The following WDR90 variants were observed in gnomAD, a reference collection of about 807,000 sequenced individuals.
WDR90 encodes WD repeat-containing protein 90.
In WDR90, 238 loss-of-function variants were observed where a neutral mutation model predicts 195.2. That is an observed-to-expected ratio of 1.22 (90% CI 1.10 to 1.36). The LOEUF is 1.36. Ranked by LOEUF, WDR90 falls within the 40% of genes most tolerant of loss-of-function variation. The pLI, the probability that WDR90 is intolerant of heterozygous loss-of-function variation, is 0.00. For synonymous variants in WDR90, 1,265 were observed against 1,052.4 expected (o/e 1.20, Z -3.91); for missense variants, 2,734 against 2,439.5 (o/e 1.12, Z -2.54).
At chr16:659,498 G>A in intron 26 of WDR90, 122 bp downstream of exon 26, 1 of 1,355,186 alleles carries the variant, frequency 7.4e-7, no homozygotes, top group Non-Finnish European at 1.0e-6. Context: ...CTGCTCATCA[G>A]GTGGAACACA....
Position 666,749 on chromosome 16 carries a change from G to C in WDR90, c.4961G>C (p.Gly1654Ala), listed in dbSNP as rs558334837. The C allele has an allele frequency of 6.2e-7, 1 of 1,612,850 alleles. No individual in the cohort carries two copies. The highest frequency in any genetic ancestry group is 1.3e-5 in the African/African-American group (1 of 75,048). ...DGALLMYVGP[G>A]VYKEVIIYNL... Reference sequence around the variant, plus strand: ...GCGCTCCTGATGTACGTGGGCCCCGGTGTTTACAAGGAGGTGATCATCTAC... The same window carrying C: ...GCGCTCCTGATGTACGTGGGCCCCGCTGTTTACAAGGAGGTGATCATCTAC... The change falls in exon 39 of 41, where the codon GGT becomes GCT. Residue 1654 changes from glycine (G) to alanine (A), a missense_variant. Physicochemically the swap from Gly to Ala is moderately conservative, Grantham distance 60 (BLOSUM62 0). Transcript: ENST00000293879.
intron 9 of WDR90, 99 bp downstream of exon 9, chr16:652,138 C>G (rs1262602275): frequency 1.3e-5 from 18 of 1,356,244 alleles, no homozygotes; most frequent in Non-Finnish European, 1.8e-5. Flanking sequence ...GTGCCTCCAA[C>G]GGTCTCCTCT....
At position 666,720 on chromosome 16, in the gene WDR90, T is replaced by C. The variant is rs747494259; in HGVS notation, c.4932T>C (p.Asp1644=). Residue 1644 remains aspartate (D), a synonymous_variant, in exon 39 of 41, where the codon GAT becomes GAC. Transcript: ENST00000293879. ...CCCTCGCTGCCTTCTGCCCTTGGGA[T>C]GGGGCGCTCCTGATGTACGTGGGCC... ...PPSLAAFCPW[D]GALLMYVGPG... 26 of 1,612,692 alleles carry C rather than the reference T, an allele frequency of 1.6e-5. No homozygotes were observed. The Admixed American group carries it at 4.3e-4, about 27-fold the overall frequency.
chr16:653,984 C>A, intron 13 of WDR90, 181 bp downstream of exon 13: 1 of 721,392 alleles, frequency 1.4e-6, no homozygotes, highest in Non-Finnish European at 2.2e-6. Flanking sequence ...TGCACAAAAA[C>A]CACCACCAGC....
intron 28 of WDR90, 61 bp from the exon 29 acceptor site, chr16:660,990 G>GCCCCCCCCCCCCCCCCCCCCC: frequency 9.2e-5 from 2 of 21,756 alleles, no homozygotes; most frequent in South Asian, 6.6e-4. Context: ...CCCTCCCCAG[G>GCCCCCCCCCCCCCCCCCCCCC]CCCCTCCCCG....
intron 26 of WDR90, among the ~76,000 whole-genome samples, chr16:659,827 G>A (rs2037855686): frequency 6.6e-6 from 1 of 152,208 alleles, no homozygotes. Context: ...GGGCAGGGAC[G>A]CTGGTGCCGG....
At position 653,591 on chromosome 16, in the gene WDR90, G is replaced by C; in HGVS notation, c.1300G>C (p.Val434Leu). 6.2e-7 allele frequency: 1 copy of C among 1,613,572 alleles called. No individual in the cohort carries two copies. The highest frequency in any genetic ancestry group is 8.5e-7 in the Non-Finnish European group (1 of 1,180,010). Residue 434 changes from valine (V) to leucine (L), a missense_variant, in exon 12 of 41, where the codon GTG becomes CTG. Physicochemically the swap from Val to Leu is conservative, Grantham distance 32. Coordinates refer to ENST00000293879, the MANE Select transcript of WDR90 (RefSeq NM_145294.5). ...LASAQARAPS[V>L]MRLWDFQTGR... ...CTCGGCCCAGGCAAGGGCCCCTAGTGTGATGCGGCTCTGGGACTTCCAGAC... is the reference window on the plus strand; with the variant it reads ...CTCGGCCCAGGCAAGGGCCCCTAGTCTGATGCGGCTCTGGGACTTCCAGAC...
rs777621894 is a variant in WDR90, at chr16:662,042, C to T, written c.4016C>T (p.Ala1339Val). ...GGCCGCTGCTTCTTGTCCTGGGAGG[C>T]GGATGACGGTGGCATTGGTGAGTGC... Reference protein sequence around the residue: ...RAGRCFLSWEADDGGIGLLLF... With the variant: ...RAGRCFLSWEVDDGGIGLLLF... The change falls in exon 32 of 41, where the codon GCG becomes GTG. Residue 1339 changes from alanine (A) to valine (V), a missense_variant. Coordinates refer to ENST00000293879, the MANE Select transcript of WDR90 (RefSeq NM_145294.5). 9 of 1,601,762 alleles carry T rather than the reference C, an allele frequency of 5.6e-6. No homozygotes were observed. Among genetic ancestry groups the T allele is most frequent in the East Asian group, 2.2e-5 (1 of 44,886 alleles).
At position 651,830 on chromosome 16, in the gene WDR90, G is replaced by T. The variant is rs529876871; in HGVS notation, c.844G>T (p.Gly282Cys). Residue 282 changes from glycine to cysteine, a missense_variant, in exon 9 of 41, where the codon GGC becomes TGC. By Grantham distance (159) the Gly-to-Cys change is radical. Coordinates refer to ENST00000293879, the MANE Select transcript of WDR90 (RefSeq NM_145294.5). Reference sequence around the variant, plus strand: ...ATGGGCACTTGTCCCCCAGCAGTCCGGCCGGGCCGCCTTGGCACCCAGGCC... The same window carrying T: ...ATGGGCACTTGTCCCCCAGCAGTCCTGCCGGGCCGCCTTGGCACCCAGGCC... ...VVQTPSPTAS[G>C]RAALAPRPFP... 1 of 1,610,426 alleles carries T rather than the reference G, an allele frequency of 6.2e-7. No homozygotes were observed. Among genetic ancestry groups the T allele is most frequent in the South Asian group, 1.1e-5 (1 of 91,050 alleles).
At position 658,189 on chromosome 16, in the gene WDR90, C is replaced by G; in HGVS notation, c.2611C>G (p.Arg871Gly). 1 of 1,608,188 alleles carries G rather than the reference C, an allele frequency of 6.2e-7. No homozygotes were observed. Among genetic ancestry groups the G allele is most frequent in the East Asian group, 2.2e-5 (1 of 44,756 alleles). ...CACTTACCACTACCCCCAGCTGCTG[C>G]GAGTTGACATCGGCACTCTGGACCT... is the stretch of plus-strand genomic sequence containing the variant. ...MGSASLDELL[R>G]VDIGTLDLAS... is the part of the protein sequence containing the mutation. The change falls in exon 22 of 41, where the codon CGA becomes GGA. Residue 871 changes from arginine to glycine, a missense_variant. Physicochemically the swap from Arg to Gly is moderately radical, Grantham distance 125. Coordinates refer to ENST00000293879, the MANE Select transcript of WDR90 (RefSeq NM_145294.5).
At chr16:663,229 G>T (rs928452039) in intron 34 of WDR90, 49 of 359,590 alleles carry the variant, frequency 1.4e-4, no homozygotes, top group Middle Eastern at 1.5e-3. Context: ...CCTGAGGTCA[G>T]GAGTTCGAGA....
rs1272284533 is a variant in WDR90 at position 655,100 on chromosome 16, T to C, written c.1509T>C (p.Thr503=). ...GEVVVLAKAH[T]DFDVQAFRVT... ...TGGTCGTTCTGGCAAAGGCGCACAC[T>C]GACTTTGACGTCCAGGCCTTCCGGG... The change falls in exon 14 of 41, where the codon ACT becomes ACC. Residue 503 remains threonine, a synonymous_variant. Coordinates refer to ENST00000293879, the MANE Select transcript of WDR90 (RefSeq NM_145294.5). The C allele has an allele frequency of 6.2e-7, 1 of 1,612,800 alleles. No homozygotes were observed. Among genetic ancestry groups the C allele is most frequent in the East Asian group, 2.2e-5 (1 of 44,866 alleles).
chr16:658,732 TG>T, intron 23 of WDR90, 79 bp downstream of exon 23: 2 of 1,570,658 alleles, frequency 1.3e-6, no homozygotes, highest in Non-Finnish European at 8.7e-7. Context: ...CAGGTGTGGG[TG>T]GGGGCAGGGA....
At chr16:650,780 AGGGTGCTT>A (rs2037629971) in intron 5 of WDR90, 71 bp downstream of exon 5, 1 of 1,565,716 alleles carries the variant, frequency 6.4e-7, no homozygotes, top group African/African-American at 1.4e-5. Context: ...GCCCAAGTCC[AGGGTGCTT>A]GGGAAAATAC....
In WDR90 at chr16:656,212, G is replaced by C. The variant is rs541667246; in HGVS notation, c.1967-90G>C. The C allele has an allele frequency of 1.7e-5, 21 of 1,202,872 alleles. No individual in the cohort carries two copies. The East Asian group carries it at 5.0e-4, about 29-fold the overall frequency. 74.5% of individuals were successfully genotyped at this position (1,202,872 alleles called of 1,614,324 possible). On this transcript the variant is annotated intron_variant, in intron 17 of 40. Transcript: ENST00000293879. ...CCTGGGACTTTGAGCAGCAGGGAGT[G>C]CATTTGCTGGGGTGTCGGGGACCCG...
chr16:651,860 CCG>C lies in WDR90; in HGVS notation c.875_876del (p.Pro292ArgfsTer21). 6.2e-7 allele frequency: 1 copy of C among 1,610,412 alleles called. No individual in the cohort carries two copies. The highest frequency in any genetic ancestry group is 8.5e-7 in the Non-Finnish European group (1 of 1,179,852). On this transcript the variant is annotated frameshift_variant, in exon 9 of 41. Coordinates refer to ENST00000293879, the MANE Select transcript of WDR90 (RefSeq NM_145294.5). LOFTEE classifies it high-confidence loss of function. ...GGCCGCCTTGGCACCCAGGCCCTTC[CCG>C]GAGGTCAGCCTGTCCCAAGAGCGCT... ...GRAALAPRPF[P>X]EVSLSQERSD...
upstream of WDR90, chr16:649,173 A>AGG (rs1491318377): frequency 2.5e-6 from 1 of 402,174 alleles, no homozygotes; most frequent in Non-Finnish European, 4.3e-6. Flanking sequence ...TCGGGCTAAC[A>AGG]GGGGGCTGCC....
At position 660,737 on chromosome 16, in the gene WDR90, C is replaced by T. The variant is rs199982938; in HGVS notation, c.3391+23C>T. The T allele has an allele frequency of 5.4e-3, 8,321 of 1,533,592 alleles. 41 individuals are homozygous for T. The highest frequency in any genetic ancestry group is 7.8e-3 in the Middle Eastern group (46 of 5,918). 95.0% of individuals were successfully genotyped at this position (1,533,592 alleles called of 1,614,324 possible). A position where few individuals can be genotyped will look rare whatever the true frequency, so the allele number is the denominator to read the frequency against. On this transcript the variant is annotated intron_variant, in intron 28 of 40. Transcript: ENST00000293879. ...CAGGTGGGGGCCAAGAGCCTACCCC[C>T]ACCCCCAGCCAAGATGCGGCCGCGC...
At chr16:667,401 G>T in intron 40 of WDR90, 31 bp from the exon 41 acceptor site, 1 of 1,571,762 alleles carries the variant, frequency 6.4e-7, no homozygotes. Context: ...CCTGGTCCTG[G>T]CCCTGGCCCA....
Sources: allele counts gnomAD v4.1 joint callset (sites outside exome capture counted in the v4.1 genomes callset), GRCh38; gene constraint gnomAD v4.1.1; transcripts MANE v1.5; gene names NCBI Gene and HGNC (gene_info 2026-07-23, HGNC 2026-07-21).